The following ADAMTS17 variants were observed in gnomAD, a reference collection of about 807,000 sequenced individuals.
ADAMTS17 encodes the protein A disintegrin and metalloproteinase with thrombospondin motifs 17.
Under a neutral mutation model 141.5 loss-of-function variants are expected in ADAMTS17, and 113 were observed. The ratio of observed to expected loss-of-function variants is 0.80; its 90% CI spans 0.69 to 0.93. The LOEUF is 0.93. Ranked by LOEUF, ADAMTS17 falls within the 40% of genes least tolerant of loss-of-function variation. The pLI, the probability that ADAMTS17 is intolerant of heterozygous loss-of-function variation, is 0.00. For missense variants in ADAMTS17, 1,659 were observed against 1,517.9 expected (o/e 1.09, Z -1.54); for synonymous variants, 768 against 630.6 (o/e 1.22, Z -3.27).
At chr15:99,988,716 G>A (rs1019763179) in intron 20 of ADAMTS17, among the ~76,000 whole-genome samples, 2 of 152,194 alleles carry the variant, frequency 1.3e-5, no homozygotes, top group African/African-American at 4.8e-5. Flanking sequence ...GGACGGCCAG[G>A]CAAAAGGCTC....
At chr15:100,221,348 G>T (rs1055044159) in intron 7 of ADAMTS17, among the ~76,000 whole-genome samples, 18 of 151,552 alleles carry the variant, frequency 1.2e-4, no homozygotes, top group African/African-American at 4.1e-4. Flanking sequence ...CATAGCATAT[G>T]TGTGTGTGTT....
chr15:100,341,485 G>A lies in ADAMTS17; in HGVS notation c.80-76C>T, dbSNP rs2046365778. 5.0e-6 allele frequency: 5 copies of A among 1,001,624 alleles called. No homozygotes were observed. The South Asian group carries it at 1.4e-4, about 28-fold the overall frequency. The allele number at this position is 1,001,624 out of a possible 1,614,324, so 62.0% of individuals were successfully genotyped here. A position where few individuals can be genotyped will look rare whatever the true frequency, so the allele number is the denominator to read the frequency against. ...CGCCCTCCCGCTGGCCGCCAGCCGCGCCAGCGCGGGGACAGCGCGACCCGG... is the reference window on the plus strand; with the variant it reads ...CGCCCTCCCGCTGGCCGCCAGCCGCACCAGCGCGGGGACAGCGCGACCCGG... On this transcript the variant is annotated intron_variant, in intron 1 of 21. Coordinates refer to ENST00000268070, the MANE Select transcript of ADAMTS17 (RefSeq NM_139057.4).
intron 18 of ADAMTS17, among the ~76,000 whole-genome samples, chr15:100,004,713 C>T (rs561154484): frequency 8.6e-5 from 13 of 151,070 alleles, no homozygotes; most frequent in Non-Finnish European, 1.8e-4. Flanking sequence ...CTCCACCTCC[C>T]GAGTTCAAGG....
chr15:100,270,583 CA>C (rs939994847), intron 4 of ADAMTS17, among the ~76,000 whole-genome samples: 12 of 151,730 alleles, frequency 7.9e-5, no homozygotes, highest in African/African-American at 2.7e-4. Context: ...TGGCATCAGT[CA>C]TTCATTTATG....
At chr15:100,182,101 T>C (rs951511994) in intron 8 of ADAMTS17, among the ~76,000 whole-genome samples, 45 of 152,140 alleles carry the variant, frequency 3.0e-4, no homozygotes, top group African/African-American at 1.0e-3. Flanking sequence ...TTCACACTGC[T>C]ACAAAGAAAT....
At chr15:100,341,721 G>A (rs113488520) in intron 1 of ADAMTS17, 100 bp downstream of exon 1, 2 of 1,413,196 alleles carry the variant, frequency 1.4e-6, no homozygotes, top group Non-Finnish European at 1.9e-6. Context: ...CGCCGTCAGC[G>A]GTCCCGCCGC....
chr15:100,173,758 T>C (rs1310155250), intron 8 of ADAMTS17, among the ~76,000 whole-genome samples: 1 of 152,186 alleles, frequency 6.6e-6, no homozygotes, highest in East Asian at 1.9e-4. Context: ...GGGAAACTTT[T>C]AACACACCAA....
At chr15:100,328,161 T>G (rs1424813712) in intron 3 of ADAMTS17, among the ~76,000 whole-genome samples, 1 of 152,172 alleles carries the variant, frequency 6.6e-6, no homozygotes, top group African/African-American at 2.4e-5. Flanking sequence ...AAAGCTTGGA[T>G]TAATCTGATT....
chr15:99,992,183 A>G (rs904263954), intron 20 of ADAMTS17, among the ~76,000 whole-genome samples: 7 of 152,186 alleles, frequency 4.6e-5, no homozygotes, highest in Admixed American at 2.6e-4. Flanking sequence ...AGAACTTAAA[A>G]AAAAAATGCT....
intron 4 of ADAMTS17, among the ~76,000 whole-genome samples, chr15:100,272,251 G>T (rs933343908): frequency 6.6e-6 from 1 of 152,078 alleles, no homozygotes; most frequent in Non-Finnish European, 1.5e-5. Context: ...AAGTCATTGG[G>T]ATTTTGATAG....
intron 3 of ADAMTS17, among the ~76,000 whole-genome samples, chr15:100,324,495 C>A (rs1053826073): frequency 6.6e-6 from 1 of 152,184 alleles, no homozygotes; most frequent in African/African-American, 2.4e-5. Context: ...CCCCACCAAA[C>A]CCTAAGTTCT....
Position 99,981,521 on chromosome 15 carries a change from A to C in ADAMTS17, c.2950-5299T>G, listed in dbSNP as rs559033447. ...GAGTGGCTCTGACTCACCTGGGAGA[A>C]TTTTTGAGAATTTTGGGGTGTTTGC... On this transcript the variant is annotated intron_variant, in intron 20 of 21. Coordinates refer to ENST00000268070, the MANE Select transcript of ADAMTS17 (RefSeq NM_139057.4). Among the ~76,000 whole-genome samples, 144 of 152,272 alleles carry C rather than the reference A, an allele frequency of 9.5e-4. 1 individual carries two copies. Among genetic ancestry groups the C allele is most frequent in the African/African-American group, 3.2e-3 (133 of 41,570 alleles).
At chr15:100,235,455 C>G (rs1435691119) in intron 7 of ADAMTS17, among the ~76,000 whole-genome samples, 1 of 152,160 alleles carries the variant, frequency 6.6e-6, no homozygotes. Context: ...GTCATCCATG[C>G]CCTCCTGTCT....
At chr15:100,323,487 T>C (rs1567536795) in intron 3 of ADAMTS17, among the ~76,000 whole-genome samples, 1 of 152,156 alleles carries the variant, frequency 6.6e-6, no homozygotes, top group Non-Finnish European at 1.5e-5. Flanking sequence ...CCCCTACAGG[T>C]GTGCTTACAG....
At chr15:100,209,296 G>C (rs558477024) in intron 7 of ADAMTS17, among the ~76,000 whole-genome samples, 1 of 152,110 alleles carries the variant, frequency 6.6e-6, no homozygotes, top group Admixed American at 6.5e-5. Flanking sequence ...GACACCTCTC[G>C]GGGCCCTGCT....
At chr15:100,175,973 G>T (rs984012094) in intron 8 of ADAMTS17, among the ~76,000 whole-genome samples, 13 of 152,138 alleles carry the variant, frequency 8.5e-5, no homozygotes, top group African/African-American at 2.9e-4. Context: ...CTTGGCAGCC[G>T]AAACAAGATA....
chr15:100,228,752 C>T (rs994378040), intron 7 of ADAMTS17, among the ~76,000 whole-genome samples: 1 of 152,222 alleles, frequency 6.6e-6, no homozygotes, highest in Non-Finnish European at 1.5e-5. Context: ...CAGCAATGCT[C>T]TGCCTGGCAA....
intron 12 of ADAMTS17, chr15:100,129,351 GC>G (rs1012885381): frequency 6.6e-6 from 1 of 152,228 alleles, no homozygotes; most frequent in African/African-American, 2.4e-5. Context: ...AACAAGAGGG[GC>G]TGCTTATTAA....
chr15:100,156,814 T>C (rs2039457665), intron 8 of ADAMTS17, among the ~76,000 whole-genome samples: 1 of 152,222 alleles, frequency 6.6e-6, no homozygotes, highest in South Asian at 2.1e-4. Context: ...TTTTTATGTG[T>C]ATACAAACAC....
Sources: gnomAD v4.1 joint callset for allele counts (sites outside exome capture counted in the v4.1 genomes callset) on GRCh38, gnomAD v4.1.1 for gene constraint, MANE v1.5 for transcripts, NCBI Gene and HGNC (gene_info 2026-07-23, HGNC 2026-07-21) for gene names.